SPOCK3: variants seen among roughly 807,000 people sequenced by gnomAD.
SPOCK3 encodes the protein SPARC (osteonectin), cwcv and kazal like domains proteoglycan 3, also known as testican-3.
SPOCK3 carries 30 observed loss-of-function variants against 56.6 expected under a neutral mutation model. The observed-to-expected ratio is 0.53, with a 90% CI of 0.40 to 0.72. SPOCK3 has a LOEUF of 0.72. Among genes scored for constraint, SPOCK3 ranks in the 30% least tolerant of loss-of-function variants. The pLI is 0.00. For synonymous variants in SPOCK3, 196 were observed against 183.3 expected, an observed-to-expected ratio of 1.07 and a Z score of -0.56; for missense variants, 527 against 530.0, an observed-to-expected ratio of 0.99 and a Z score of 0.06.
intron 2 of SPOCK3, among the ~76,000 whole-genome samples, chr4:167,116,283 A>G (rs1489167827): frequency 6.6e-6 from 1 of 151,562 alleles, no homozygotes. Context: ...TAATAAGTGT[A>G]GCTCCAATTA....
chr4:167,159,184 G>A lies in SPOCK3; in HGVS notation c.189+74801C>T, dbSNP rs62353582. On this transcript the variant is annotated intron_variant, in intron 2 of 10. Transcript: ENST00000357545. ...TCATCTAAAAAGTAATAACTATCTC[G>A]CATAACTACTATAAGTATTAAAAGA... is the stretch of plus-strand genomic sequence containing the variant. Among the ~76,000 whole-genome samples, 615 of 151,924 alleles carry A rather than the reference G, an allele frequency of 4.0e-3. 1 individual carries two copies. Among genetic ancestry groups the A allele is most frequent in the Non-Finnish European group, 5.7e-3 (387 of 67,934 alleles).
chr4:167,080,081 T>C (rs1482035415), intron 2 of SPOCK3, among the ~76,000 whole-genome samples: 3 of 151,990 alleles, frequency 2.0e-5, no homozygotes, highest in Non-Finnish European at 4.4e-5. Flanking sequence ...AGATGGCAAA[T>C]TTGCCTTTAA....
intron 2 of SPOCK3, among the ~76,000 whole-genome samples, chr4:167,115,272 G>T (rs1156719713): frequency 6.6e-6 from 1 of 150,788 alleles, no homozygotes; most frequent in East Asian, 1.9e-4. Flanking sequence ...AACCAAGGCT[G>T]TATGTCCCGC....
intron 6 of SPOCK3, among the ~76,000 whole-genome samples, chr4:166,877,604 T>G (rs1441044667): frequency 6.6e-6 from 1 of 152,046 alleles, no homozygotes; most frequent in Non-Finnish European, 1.5e-5. Flanking sequence ...AAGCAGGAGG[T>G]AAAATGTTTC....
chr4:167,073,905 A>G lies in SPOCK3; in HGVS notation c.190-11368T>C, dbSNP rs1416173490. ...TATCCTTTATTATCTCTTTAAAATTATATAAACATAAGACTTTCAAAACAC... is the reference window on the plus strand; with the variant it reads ...TATCCTTTATTATCTCTTTAAAATTGTATAAACATAAGACTTTCAAAACAC... On this transcript the variant is annotated intron_variant, in intron 2 of 10. Coordinates refer to ENST00000357545, the MANE Select transcript of SPOCK3 (RefSeq NM_001040159.2). Among the ~76,000 whole-genome samples, 3 of 152,028 alleles carry G rather than the reference A, an allele frequency of 2.0e-5. No homozygotes were observed. In the East Asian group the frequency reaches 5.8e-4, roughly 30 times the overall value.
intron 2 of SPOCK3, among the ~76,000 whole-genome samples, chr4:167,223,355 A>G (rs1736258704): frequency 6.8e-6 from 1 of 146,336 alleles, no homozygotes; most frequent in African/African-American, 2.5e-5. Flanking sequence ...TATGTATATT[A>G]TGTTTATATA....
chr4:167,158,397 T>C (rs1033465009), intron 2 of SPOCK3, among the ~76,000 whole-genome samples: 7 of 152,004 alleles, frequency 4.6e-5, no homozygotes, highest in East Asian at 3.9e-4. Context: ...TGAATACATA[T>C]ACACATTTGT....
intron 4 of SPOCK3, among the ~76,000 whole-genome samples, chr4:166,944,783 G>A (rs569460756): frequency 6.6e-6 from 1 of 151,914 alleles, no homozygotes; most frequent in South Asian, 2.1e-4. Flanking sequence ...GATTATGGTG[G>A]TATCTTCCAG....
intron 6 of SPOCK3, among the ~76,000 whole-genome samples, chr4:166,879,744 C>T (rs1246200530): frequency 6.6e-6 from 1 of 152,140 alleles, no homozygotes. Flanking sequence ...TGGTTTGGAT[C>T]TGTGTCCCAG....
At chr4:167,218,231 C>T (rs1392715933) in intron 2 of SPOCK3, among the ~76,000 whole-genome samples, 1 of 152,032 alleles carries the variant, frequency 6.6e-6, no homozygotes, top group Non-Finnish European at 1.5e-5. Flanking sequence ...AAAAAATAAT[C>T]GTGTGTTAAT....
intron 4 of SPOCK3, among the ~76,000 whole-genome samples, chr4:166,937,371 A>G (rs1450546067): frequency 1.3e-5 from 2 of 149,822 alleles, no homozygotes; most frequent in African/African-American, 4.9e-5. Context: ...ATATACATAT[A>G]CATATATATA....
intron 4 of SPOCK3, among the ~76,000 whole-genome samples, chr4:166,955,145 T>C (rs967270088): frequency 2.6e-5 from 4 of 152,120 alleles, no homozygotes; most frequent in African/African-American, 9.7e-5. Context: ...AATTAAATAG[T>C]CTACAAACAT....
intron 5 of SPOCK3, among the ~76,000 whole-genome samples, chr4:166,896,321 C>T (rs966972890): frequency 6.6e-6 from 1 of 152,028 alleles, no homozygotes; most frequent in African/African-American, 2.4e-5. Context: ...TTGTGCCCTG[C>T]CCCCACCCAT....
chr4:166,805,781 G>A (rs1042883846), intron 6 of SPOCK3, among the ~76,000 whole-genome samples: 4 of 131,438 alleles, frequency 3.0e-5, no homozygotes, highest in Admixed American at 2.9e-4. Flanking sequence ...AATAAAAACT[G>A]ACTGGCTTTG....
At chr4:166,954,260 T>C (rs1252581481) in intron 4 of SPOCK3, among the ~76,000 whole-genome samples, 1 of 152,186 alleles carries the variant, frequency 6.6e-6, no homozygotes, top group Non-Finnish European at 1.5e-5. Context: ...GGGCTGTCTA[T>C]TCAGTCTGTT....
At chr4:167,083,375 A>C in intron 2 of SPOCK3, 1 of 755,444 alleles carries the variant, frequency 1.3e-6, no homozygotes, top group South Asian at 1.4e-5. Flanking sequence ...TAACGAATTC[A>C]ACTTGCTCAA....
At chr4:167,157,297 T>C (rs72699674) in intron 2 of SPOCK3, among the ~76,000 whole-genome samples, 8,681 of 152,146 alleles carry the variant, frequency 0.057, 274 homozygotes, top group Admixed American at 0.079. Context: ...AGTATAGTAT[T>C]ATCTCATGAC....
chr4:167,154,791 T>C (rs193205478), intron 2 of SPOCK3, among the ~76,000 whole-genome samples: 1 of 152,228 alleles, frequency 6.6e-6, no homozygotes, highest in African/African-American at 2.4e-5. Flanking sequence ...TTGGAGTCCA[T>C]GGTTGAGAAA....
chr4:167,020,545 C>T (rs1751067900), intron 3 of SPOCK3, among the ~76,000 whole-genome samples: 2 of 152,054 alleles, frequency 1.3e-5, no homozygotes, highest in South Asian at 4.1e-4. Flanking sequence ...TTCACTCTCA[C>T]TCTTCTGCCA....
Sources: gnomAD v4.1 joint callset for allele counts (sites outside exome capture counted in the v4.1 genomes callset) on GRCh38, gnomAD v4.1.1 for gene constraint, MANE v1.5 for transcripts, NCBI Gene and HGNC (gene_info 2026-07-23, HGNC 2026-07-21) for gene names.